Variants in KLHL29 observed in about 807,000 individuals in gnomAD.
KLHL29 encodes kelch like family member 29.
KLHL29 carries 21 observed loss-of-function variants against 80.4 expected under a neutral mutation model. The ratio of observed to expected loss-of-function variants is 0.26; its 90% CI spans 0.19 to 0.38. The LOEUF is 0.38. KLHL29 is among the 10% of genes least tolerant of loss of function. KLHL29 has a pLI of 1.00. For synonymous variants in KLHL29, 511 were observed against 526.8 expected (o/e 0.97, Z 0.41); for missense variants, 867 against 1,223.9 (o/e 0.71, Z 4.35).
chr2:23,490,097 C>T (rs7582844), intron 2 of KLHL29, among the ~76,000 whole-genome samples: 59,631 of 152,070 alleles, frequency 0.39, 12,289 homozygotes, highest in East Asian at 0.57. Context: ...GGCGAGGATG[C>T]GCGTGCAGGC....
chr2:23,510,542 G>GC (rs1457051899), intron 2 of KLHL29, among the ~76,000 whole-genome samples: 1 of 152,162 alleles, frequency 6.6e-6, no homozygotes, highest in Non-Finnish European at 1.5e-5. Flanking sequence ...AAGCAGAGCT[G>GC]CCCCCTTCCT....
chr2:23,441,301 G>A (rs957079421), intron 1 of KLHL29, among the ~76,000 whole-genome samples: 2 of 143,402 alleles, frequency 1.4e-5, no homozygotes, highest in Admixed American at 1.4e-4. Flanking sequence ...GACACAGGAA[G>A]GGGAACATCA....
chr2:23,509,187 C>T (rs551313179), intron 2 of KLHL29, among the ~76,000 whole-genome samples: 15 of 152,258 alleles, frequency 9.9e-5, no homozygotes, highest in Non-Finnish European at 1.5e-4. Flanking sequence ...TTCAGGCACC[C>T]GGGAAGACTG....
intron 3 of KLHL29, among the ~76,000 whole-genome samples, chr2:23,587,003 A>T (rs1348951681): frequency 6.6e-6 from 1 of 152,078 alleles, no homozygotes; most frequent in Non-Finnish European, 1.5e-5. Context: ...TTGTTGGGGG[A>T]TATAACTCTT....
At chr2:23,652,142 A>G (rs1296113849) in intron 5 of KLHL29, among the ~76,000 whole-genome samples, 1 of 152,216 alleles carries the variant, frequency 6.6e-6, no homozygotes, top group Non-Finnish European at 1.5e-5. Flanking sequence ...GTTTTCAGTG[A>G]TTCGCTTGAA....
chr2:23,644,210 T>G (rs906963778), intron 5 of KLHL29: 4 of 152,128 alleles, frequency 2.6e-5, no homozygotes, highest in Admixed American at 2.0e-4. Flanking sequence ...TAAGATCTTT[T>G]TTAAAAAAAT....
intron 3 of KLHL29, among the ~76,000 whole-genome samples, chr2:23,618,851 G>A (rs761764790): frequency 2.0e-5 from 3 of 152,204 alleles, no homozygotes; most frequent in Non-Finnish European, 2.9e-5. Context: ...TCTAGGAGAA[G>A]AAAGGGTGAC....
At position 23,611,620 on chromosome 2, in the gene KLHL29, A is replaced by G. The variant is rs575724121; in HGVS notation, c.286-27519A>G. On this transcript the variant is annotated intron_variant, in intron 3 of 13. Coordinates refer to ENST00000486442, the MANE Select transcript of KLHL29 (RefSeq NM_052920.2). ...GTAGAATCTGTAACGTAATTTCAAA[A>G]ATAATCAGATACAAGGAGACCACAA... is the stretch of plus-strand genomic sequence containing the variant. Among the ~76,000 whole-genome samples, 7 of 152,346 alleles carry G rather than the reference A, an allele frequency of 4.6e-5. No homozygotes were observed. In the South Asian group the frequency reaches 1.4e-3, roughly 32 times the overall value.
chr2:23,602,289 C>G (rs1260793905), intron 3 of KLHL29, among the ~76,000 whole-genome samples: 1 of 152,226 alleles, frequency 6.6e-6, no homozygotes, highest in Non-Finnish European at 1.5e-5. Context: ...ACCCCCCTGC[C>G]CCAGGGCCTG....
chr2:23,691,104 G>A (rs1671568810), intron 6 of KLHL29: 1 of 156,034 alleles, frequency 6.4e-6, no homozygotes, highest in African/African-American at 2.4e-5. Flanking sequence ...ATGTCACGAA[G>A]GGCTTCCTTT....
intron 5 of KLHL29, among the ~76,000 whole-genome samples, chr2:23,658,589 C>T (rs1008094988): frequency 6.6e-6 from 1 of 152,124 alleles, no homozygotes; most frequent in Admixed American, 6.5e-5. Context: ...GGGAGGTGGC[C>T]GTCCATGAGG....
chr2:23,411,754 T>G (rs1666864950), intron 1 of KLHL29, among the ~76,000 whole-genome samples: 1 of 152,120 alleles, frequency 6.6e-6, no homozygotes, highest in Non-Finnish European at 1.5e-5. Context: ...CCAGCATCAG[T>G]AGCATTGAAA....
At chr2:23,688,890 C>G (rs1420157495) in intron 6 of KLHL29, 1 of 152,442 alleles carries the variant, frequency 6.6e-6, no homozygotes, top group East Asian at 1.9e-4. Flanking sequence ...AGGACGCAGC[C>G]CTCGTCAGCG....
chr2:23,492,453 C>T (rs993893410), intron 2 of KLHL29, among the ~76,000 whole-genome samples: 2 of 152,194 alleles, frequency 1.3e-5, no homozygotes, highest in Non-Finnish European at 2.9e-5. Flanking sequence ...AGTCACGTGG[C>T]CCACCCTCCA....
chr2:23,678,525 C>T (rs970549716), intron 5 of KLHL29, among the ~76,000 whole-genome samples: 10 of 152,278 alleles, frequency 6.6e-5, no homozygotes, highest in South Asian at 2.1e-4. Context: ...ACATTTAGAC[C>T]GGCCAGTCTC....
At chr2:23,455,924 T>C (rs4665214) in intron 1 of KLHL29, among the ~76,000 whole-genome samples, 32,149 of 151,872 alleles carry the variant, frequency 0.21, 5,228 homozygotes, top group African/African-American at 0.45. Context: ...GATTGGTGTG[T>C]TTATAAAAAG....
At chr2:23,690,696 C>T (rs989816200) in intron 6 of KLHL29, 3 of 152,256 alleles carry the variant, frequency 2.0e-5, no homozygotes, top group Non-Finnish European at 4.4e-5. Flanking sequence ...GGACTCCTAA[C>T]GCGGCAGGTG....
At chr2:23,541,768 AAAAC>A (rs1257711527) in intron 2 of KLHL29, among the ~76,000 whole-genome samples, 1 of 149,886 alleles carries the variant, frequency 6.7e-6, no homozygotes, top group Admixed American at 6.6e-5. Flanking sequence ...CCCAACCCAA[AAAAC>A]AAAAAAAAAA....
chr2:23,632,212 A>G (rs1669487258), intron 3 of KLHL29, among the ~76,000 whole-genome samples: 1 of 152,240 alleles, frequency 6.6e-6, no homozygotes, highest in Non-Finnish European at 1.5e-5. Context: ...AACACTAGAA[A>G]GCCTAACAGC....
Sources: allele counts gnomAD v4.1 joint callset (sites outside exome capture counted in the v4.1 genomes callset), GRCh38; gene constraint gnomAD v4.1.1; transcripts MANE v1.5; gene names NCBI Gene and HGNC (gene_info 2026-07-23, HGNC 2026-07-21).